The following SLC9D1 variants were observed in gnomAD, a reference collection of about 807,000 sequenced individuals.
SLC9D1 encodes solute carrier family 9 member D1, also known as putative LAG1-interacting protein.
chr13:113,519,134 C>T, the SLC9D1 span, among the ~76,000 whole-genome samples: 1 of 151,890 alleles, frequency 6.6e-6, no homozygotes, highest in South Asian at 2.1e-4. Flanking sequence ...ACCTCCGCCT[C>T]CTGGGTTCAA....
At chr13:113,518,429 C>T in the SLC9D1 span, among the ~76,000 whole-genome samples, 28,099 of 152,156 alleles carry the variant, frequency 0.18, 3,435 homozygotes, top group African/African-American at 0.35. Context: ...TCACTATGAT[C>T]GGTGCAAAGG....
the SLC9D1 span, among the ~76,000 whole-genome samples, chr13:113,545,127 G>GC: frequency 6.6e-6 from 1 of 152,196 alleles, no homozygotes; most frequent in Non-Finnish European, 1.5e-5. Context: ...GCAGGTGTGC[G>GC]CCCCCGCCAG....
chr13:113,535,914 G>C, the SLC9D1 span, among the ~76,000 whole-genome samples: 12 of 151,950 alleles, frequency 7.9e-5, no homozygotes, highest in Middle Eastern at 3.2e-3. This position sits in a 1 kb window ranked among gnomAD's most constrained non-coding sequence, Gnocchi z 4.1. Flanking sequence ...TCGGGGTCTG[G>C]GGAGGGACTG....
At chr13:113,533,423 A>G in the SLC9D1 span, among the ~76,000 whole-genome samples, 2 of 152,246 alleles carry the variant, frequency 1.3e-5, no homozygotes, top group African/African-American at 4.8e-5. Context: ...TCCACCGAGG[A>G]AACTTTCACC....
At chr13:113,524,703 T>TA in the SLC9D1 span, among the ~76,000 whole-genome samples, 7 of 151,950 alleles carry the variant, frequency 4.6e-5, no homozygotes, top group African/African-American at 1.2e-4. Flanking sequence ...AAAATAATAT[T>TA]ATTTTTTTTT....
chr13:113,501,735 T>C, the SLC9D1 span: 32 of 1,603,010 alleles, frequency 2.0e-5, no homozygotes, highest in African/African-American at 2.4e-4. Context: ...CTGTTTCTTA[T>C]TTATTTTATT....
the SLC9D1 span, chr13:113,520,857 C>A: frequency 2.7e-6 from 2 of 729,098 alleles, no homozygotes; most frequent in Admixed American, 2.2e-5. Flanking sequence ...CGTGCACAGT[C>A]CCTGGAGCAA....
chr13:113,529,408 T>G, the SLC9D1 span: 7 of 151,672 alleles, frequency 4.6e-5, no homozygotes, highest in African/African-American at 1.7e-4. Flanking sequence ...CCTAGCGCTT[T>G]GGGAGGCTGA....
At chr13:113,538,835 C>T in the SLC9D1 span, among the ~76,000 whole-genome samples, 15 of 152,262 alleles carry the variant, frequency 9.9e-5, no homozygotes, top group African/African-American at 1.4e-4. Context: ...CTGAGGCTCC[C>T]GTGTCGCGGC....
At chr13:113,511,063 G>A in the SLC9D1 span, among the ~76,000 whole-genome samples, 218 of 115,188 alleles carry the variant, frequency 1.9e-3, 1 homozygote, top group Middle Eastern at 0.011. Flanking sequence ...CTTGCTCGGA[G>A]CCTAGGCAGG....
chr13:113,497,004 A>C, the SLC9D1 span, among the ~76,000 whole-genome samples: 1 of 152,380 alleles, frequency 6.6e-6, no homozygotes, highest in African/African-American at 2.4e-5. Flanking sequence ...TATGCTAGTT[A>C]TTATCTCCTA....
the SLC9D1 span, among the ~76,000 whole-genome samples, chr13:113,494,454 A>G: frequency 2.0e-5 from 3 of 151,744 alleles, no homozygotes; most frequent in Non-Finnish European, 2.9e-5. Context: ...CCTGCTCATC[A>G]CCACCTGGAC....
the SLC9D1 span, among the ~76,000 whole-genome samples, chr13:113,542,422 GGGCAT>G: frequency 6.6e-6 from 1 of 152,196 alleles, no homozygotes; most frequent in Non-Finnish European, 1.5e-5. Context: ...TGCTCTCAGT[GGGCAT>G]TGAAAGCGGC....
the SLC9D1 span, among the ~76,000 whole-genome samples, chr13:113,522,488 C>T: frequency 2.0e-3 from 306 of 152,292 alleles, 3 homozygotes; most frequent in Middle Eastern, 3.4e-3. Context: ...CCACAGGCAC[C>T]TGCCACCAAG....
the SLC9D1 span, among the ~76,000 whole-genome samples, chr13:113,497,730 G>A: frequency 5.3e-5 from 8 of 152,356 alleles, no homozygotes; most frequent in East Asian, 9.6e-4. Context: ...TAATTGAGGC[G>A]ATGATGTTCT....
chr13:113,498,361 A>G, the SLC9D1 span: 1 of 1,556,626 alleles, frequency 6.4e-7, no homozygotes, highest in Non-Finnish European at 8.6e-7. Flanking sequence ...GAATATATGG[A>G]ACTTCTGGCA....
At chr13:113,495,692 C>T in the SLC9D1 span, 566 of 1,612,372 alleles carry the variant, frequency 3.5e-4, 3 homozygotes, top group African/African-American at 4.6e-3. Flanking sequence ...AACTGCACCG[C>T]GGGCGAGGGG....
At chr13:113,511,249 G>A in the SLC9D1 span, among the ~76,000 whole-genome samples, 8 of 152,340 alleles carry the variant, frequency 5.3e-5, no homozygotes, top group East Asian at 3.9e-4. Flanking sequence ...ATACGGGGTC[G>A]AAATGTCACA....
the SLC9D1 span, among the ~76,000 whole-genome samples, chr13:113,516,760 C>T: frequency 2.6e-4 from 40 of 152,230 alleles, 1 homozygote; most frequent in African/African-American, 8.2e-4. Flanking sequence ...GCCCAACCCT[C>T]GAAGGAGTCC....
Sources: gnomAD v4.1 joint callset for allele counts (sites outside exome capture counted in the v4.1 genomes callset) on GRCh38, gnomAD v4.1.1 for gene constraint, Gnocchi (gnomAD v3.1) non-coding constraint, MANE v1.5 for transcripts, NCBI Gene and HGNC (gene_info 2026-07-23, HGNC 2026-07-21) for gene names.